The following ERH variants were observed in gnomAD, a reference collection of about 807,000 sequenced individuals.
ERH encodes enhancer of rudimentary homolog.
Under a neutral mutation model 16.8 loss-of-function variants are expected in ERH, and 1 was observed. The ratio of observed to expected loss-of-function variants is 0.06; its 90% CI spans 0.02 to 0.28. The LOEUF (loss-of-function observed/expected upper bound fraction) is 0.28. Among genes scored for constraint, ERH ranks in the 10% least tolerant of loss-of-function variants. The pLI, the probability that ERH is intolerant of heterozygous loss-of-function variation, is 1.00. For missense variants in ERH, 42 were observed against 127.5 expected, an observed-to-expected ratio of 0.33 and a Z score of 3.23; for synonymous variants, 43 against 43.6, an observed-to-expected ratio of 0.99 and a Z score of 0.05.
In ERH at chr14:69,398,078, T is replaced by A. The variant is rs960660825; in HGVS notation, c.3+153A>T. ...GGCCTAGAGTCAGGCCTGGCGTCCC[T>A]GCGGCGGGAAGAAGGGTCAATCCAC... On this transcript the variant is annotated intron_variant, in intron 1 of 3. Transcript: ENST00000557016. 3 of 1,004,898 alleles carry A rather than the reference T, an allele frequency of 3.0e-6. No individual in the cohort carries two copies. The Admixed American group carries it at 6.4e-5, about 21-fold the overall frequency. 62.2% of individuals were successfully genotyped at this position (1,004,898 alleles called of 1,614,324 possible).
At chr14:69,383,496 T>C (rs150398384) in intron 3 of ERH, among the ~76,000 whole-genome samples, 2 of 152,216 alleles carry the variant, frequency 1.3e-5, no homozygotes, top group African/African-American at 2.4e-5. Flanking sequence ...AACAATACCT[T>C]ATTTCTCCTG....
chr14:69,385,112 T>C (rs528341477), intron 3 of ERH, among the ~76,000 whole-genome samples: 2 of 152,348 alleles, frequency 1.3e-5, no homozygotes, highest in East Asian at 1.9e-4. Context: ...TTAAAGCTCA[T>C]GGTCATTCAG....
At chr14:69,386,862 A>G in intron 3 of ERH, 101 bp downstream of exon 3, 1 of 1,031,050 alleles carries the variant, frequency 9.7e-7, no homozygotes, top group South Asian at 1.6e-5. Context: ...TGCAAAGATC[A>G]GTATCAGGCA....
intron 3 of ERH, among the ~76,000 whole-genome samples, chr14:69,382,951 A>G (rs1016640358): frequency 2.0e-5 from 3 of 152,192 alleles, no homozygotes; most frequent in Non-Finnish European, 4.4e-5. Flanking sequence ...GTTATGGTCA[A>G]TGAATGTAGG....
intron 2 of ERH, among the ~76,000 whole-genome samples, chr14:69,387,310 T>A (rs2045898346): frequency 6.6e-6 from 1 of 151,936 alleles, no homozygotes. Context: ...TAATCCCAGC[T>A]CTTTGGGAGG....
At chr14:69,395,804 C>T (rs1389070479) in intron 1 of ERH, among the ~76,000 whole-genome samples, 1 of 152,172 alleles carries the variant, frequency 6.6e-6, no homozygotes, top group Non-Finnish European at 1.5e-5. Context: ...ACTGGGCTTT[C>T]TCATACCAAA....
At chr14:69,392,498 A>C (rs921888372) in intron 2 of ERH, among the ~76,000 whole-genome samples, 3 of 152,298 alleles carry the variant, frequency 2.0e-5, no homozygotes, top group African/African-American at 2.4e-5. Context: ...AAAAAGACCA[A>C]TGGTTCCCAG....
At chr14:69,388,996 T>C (rs1426727981) in intron 2 of ERH, among the ~76,000 whole-genome samples, 1 of 152,092 alleles carries the variant, frequency 6.6e-6, no homozygotes, top group Non-Finnish European at 1.5e-5. Context: ...AATTCGTATA[T>C]GTTAAAAAGG....
chr14:69,389,425 G>T (rs993950962), intron 2 of ERH, among the ~76,000 whole-genome samples: 1 of 152,184 alleles, frequency 6.6e-6, no homozygotes, highest in African/African-American at 2.4e-5. Context: ...CATTGTACTA[G>T]AAGTTCTAGC....
rs2232050 is a variant in ERH, at chr14:69,398,263, G to A, written c.-30C>T. ...CCAAACTCTCTTCGCTACAGCAGCT[G>A]CCGACACCGCCGCCGTTACACGAGC... On this transcript the variant is annotated 5_prime_UTR_variant, in exon 1 of 4. Coordinates refer to ENST00000557016, the MANE Select transcript of ERH (RefSeq NM_004450.3). 11,066 of 1,612,788 alleles carry A rather than the reference G, an allele frequency of 6.9e-3. 49 individuals are homozygous for A. Among genetic ancestry groups the A allele is most frequent in the Non-Finnish European group, 8.2e-3 (9,698 of 1,179,694 alleles).
intron 1 of ERH, 97 bp downstream of exon 1, chr14:69,398,134 G>C: frequency 7.2e-7 from 1 of 1,395,862 alleles, no homozygotes; most frequent in Non-Finnish European, 9.9e-7. Context: ...ATCACGCGGC[G>C]CTGCATGGGG....
At chr14:69,390,804 A>G (rs2045919917) in intron 2 of ERH, among the ~76,000 whole-genome samples, 1 of 152,242 alleles carries the variant, frequency 6.6e-6, no homozygotes, top group Admixed American at 6.5e-5. Flanking sequence ...ATATACAAAG[A>G]ACTCCTAAAA....
chr14:69,381,516 G>A (rs965395079), intron 3 of ERH, among the ~76,000 whole-genome samples: 10 of 151,990 alleles, frequency 6.6e-5, no homozygotes, highest in African/African-American at 1.9e-4. Context: ...TAATCAGAAC[G>A]AAAAGGAGTA....
chr14:69,386,753 A>G (rs1019596087), intron 3 of ERH: 7 of 434,754 alleles, frequency 1.6e-5, no homozygotes, highest in Middle Eastern at 6.1e-4. Context: ...GATACTAACT[A>G]TATCAATTAG....
intron 2 of ERH, among the ~76,000 whole-genome samples, chr14:69,390,912 G>A (rs2045920744): frequency 6.6e-6 from 1 of 152,228 alleles, no homozygotes; most frequent in Admixed American, 6.5e-5. Flanking sequence ...GACATTGTAT[G>A]TCATTAGGGA....
At chr14:69,384,474 C>T (rs184944869) in intron 3 of ERH, among the ~76,000 whole-genome samples, 3 of 152,326 alleles carry the variant, frequency 2.0e-5, no homozygotes, top group Admixed American at 2.0e-4. Context: ...CTCTTAACCA[C>T]AGCCTCCCAA....
intron 2 of ERH, among the ~76,000 whole-genome samples, chr14:69,389,352 G>A (rs745693609): frequency 1.3e-5 from 2 of 152,090 alleles, no homozygotes; most frequent in Non-Finnish European, 2.9e-5. Flanking sequence ...GGTTAAAGAC[G>A]GGATGCTTTT....
chr14:69,383,375 G>T (rs1320422721), intron 3 of ERH, among the ~76,000 whole-genome samples: 4 of 152,172 alleles, frequency 2.6e-5, no homozygotes, highest in African/African-American at 9.7e-5. Context: ...AAATTTAATA[G>T]AAACTATGAG....
rs187710476 is a variant in ERH, at chr14:69,396,766, C to A, written c.3+1465G>T. Among the ~76,000 whole-genome samples the A allele has an allele frequency of 1.5e-3, 227 of 152,320 alleles. 1 individual carries two copies. Among genetic ancestry groups the A allele is most frequent in the Non-Finnish European group, 2.7e-3 (183 of 68,028 alleles). On this transcript the variant is annotated intron_variant, in intron 1 of 3. Transcript: ENST00000557016. ...AAAAACGGAACTTGGTGACAAGAGA[C>A]GAAGGATTAACTCTCACCTGTAATA...
Sources: allele counts gnomAD v4.1 joint callset (sites outside exome capture counted in the v4.1 genomes callset), GRCh38; gene constraint gnomAD v4.1.1; transcripts MANE v1.5; gene names NCBI Gene and HGNC (gene_info 2026-07-23, HGNC 2026-07-21).